ITPK1: variants seen among roughly 807,000 people sequenced by gnomAD.
The protein encoded by ITPK1 is inositol-tetrakisphosphate 1-kinase, also known as inositol 1,3,4-trisphosphate 5/6-kinase.
A neutral mutation model predicts 45.3 loss-of-function variants in ITPK1; 21 were observed. The observed-to-expected ratio is 0.46, with a 90% CI of 0.33 to 0.67. ITPK1 has a LOEUF of 0.67. ITPK1 is among the 30% of genes least tolerant of loss of function. The pLI is 0.02. For synonymous variants in ITPK1, 258 were observed against 253.6 expected (o/e 1.02, Z -0.16); for missense variants, 474 against 573.5 (o/e 0.83, Z 1.77).
intron 4 of ITPK1, among the ~76,000 whole-genome samples, chr14:93,013,368 C>T (rs1036037927): frequency 4.6e-5 from 7 of 152,320 alleles, no homozygotes; most frequent in Non-Finnish European, 8.8e-5. Context: ...TAATGTTCTG[C>T]AGTAAGCCTC....
intron 2 of ITPK1, among the ~76,000 whole-genome samples, chr14:93,112,833 C>T (rs1241327002): frequency 6.6e-6 from 1 of 152,186 alleles, no homozygotes; most frequent in Non-Finnish European, 1.5e-5. Flanking sequence ...CCTGCGCCCC[C>T]AGATTCTGAA....
At chr14:92,996,438 TG>T (rs1286268357) in intron 4 of ITPK1, among the ~76,000 whole-genome samples, 2 of 38,022 alleles carry the variant, frequency 5.3e-5, no homozygotes, top group Non-Finnish European at 1.1e-4. Context: ...TGTCGCGGGG[TG>T]GGGGGAGGGG....
chr14:93,091,517 A>G (rs1891866314), intron 2 of ITPK1, among the ~76,000 whole-genome samples: 1 of 152,204 alleles, frequency 6.6e-6, no homozygotes, highest in Non-Finnish European at 1.5e-5. Context: ...AAATGCCAAG[A>G]GCAACCAGCT....
chr14:92,938,707 A>G lies in ITPK1; in HGVS notation c.*2854T>C, dbSNP rs994868294. 8.2e-6 allele frequency: 5 copies of G among 612,328 alleles called. No homozygotes were observed. The highest frequency in any genetic ancestry group is 1.5e-5 in the Non-Finnish European group (5 of 342,162). The allele number at this position is 612,328 out of a possible 1,614,324, so 37.9% of individuals were successfully genotyped here. A position where few individuals can be genotyped will look rare whatever the true frequency, so the allele number is the denominator to read the frequency against. ...CCACCCACCACGTGTGGACCCAGAC[A>G]CCTCCATGACACCAAGGGCAAAGCA... On this transcript the variant is annotated 3_prime_UTR_variant, in exon 11 of 11. Transcript: ENST00000267615.
At chr14:92,954,762 G>A (rs778419211) in intron 8 of ITPK1, among the ~76,000 whole-genome samples, 1 of 152,228 alleles carries the variant, frequency 6.6e-6, no homozygotes, top group Non-Finnish European at 1.5e-5. Flanking sequence ...CTTGGGAGGC[G>A]AAGGGGATGG....
chr14:93,111,879 C>A (rs1892770414), intron 2 of ITPK1, among the ~76,000 whole-genome samples: 1 of 152,104 alleles, frequency 6.6e-6, no homozygotes, highest in South Asian at 2.1e-4. Context: ...GTACCACTGA[C>A]AAACAAGTGG....
chr14:93,028,390 C>G (rs1045687202), intron 3 of ITPK1, among the ~76,000 whole-genome samples: 1 of 152,230 alleles, frequency 6.6e-6, no homozygotes, highest in African/African-American at 2.4e-5. Context: ...TTCGCTCAGC[C>G]TGTTGACGAG....
chr14:93,103,632 G>A (rs1892409468), intron 2 of ITPK1, among the ~76,000 whole-genome samples: 1 of 152,120 alleles, frequency 6.6e-6, no homozygotes, highest in Non-Finnish European at 1.5e-5. Context: ...CACTCAGTAA[G>A]TATGTGGCAT....
intron 2 of ITPK1, among the ~76,000 whole-genome samples, chr14:93,094,732 C>T (rs1415361320): frequency 1.3e-5 from 2 of 152,214 alleles, no homozygotes; most frequent in Admixed American, 1.3e-4. Flanking sequence ...AGCGTGGGGA[C>T]GGGACCCACT....
intron 2 of ITPK1, among the ~76,000 whole-genome samples, chr14:93,086,509 C>T (rs751035130): frequency 6.6e-6 from 1 of 152,238 alleles, no homozygotes; most frequent in Non-Finnish European, 1.5e-5. Context: ...CTCTGTCACG[C>T]ACTGGGCTGG....
chr14:93,056,194 G>C (rs1371316431), intron 3 of ITPK1, among the ~76,000 whole-genome samples: 16 of 152,206 alleles, frequency 1.1e-4, no homozygotes, highest in Admixed American at 1.0e-3. Context: ...GGGTGCAGCA[G>C]GGTTGAGAGG....
rs949722936 is a variant in ITPK1, at chr14:93,115,903, T to G, written c.-274A>C. ...CCCGCGCTGGCCCGGCCGCCCCGCTTGAGCCCGCGGCGGCGAGGAAGCGGC... is the reference window on the plus strand; with the variant it reads ...CCCGCGCTGGCCCGGCCGCCCCGCTGGAGCCCGCGGCGGCGAGGAAGCGGC... On this transcript the variant is annotated 5_prime_UTR_variant, in exon 1 of 11. Coordinates refer to ENST00000267615, the MANE Select transcript of ITPK1 (RefSeq NM_014216.6). 5.3e-3 allele frequency: 763 copies of G among 144,532 alleles called. 5 individuals carry two copies. The highest frequency in any genetic ancestry group is 8.7e-3 in the Non-Finnish European group (570 of 65,220). The allele number at this position is 144,532 out of a possible 1,614,324, so 9.0% of individuals were successfully genotyped here. A position where few individuals can be genotyped will look rare whatever the true frequency, so the allele number is the denominator to read the frequency against.
At chr14:93,104,051 C>T (rs998252434) in intron 2 of ITPK1, among the ~76,000 whole-genome samples, 1 of 152,094 alleles carries the variant, frequency 6.6e-6, no homozygotes, top group Non-Finnish European at 1.5e-5. Context: ...TATCATTTGG[C>T]CCTAGGGCGG....
intron 5 of ITPK1, among the ~76,000 whole-genome samples, chr14:92,966,785 C>A (rs964154469): frequency 3.3e-5 from 5 of 152,230 alleles, no homozygotes; most frequent in African/African-American, 9.6e-5. Context: ...TGGAAATAAA[C>A]TTGTGCATCT....
intron 3 of ITPK1, among the ~76,000 whole-genome samples, chr14:93,042,512 C>G (rs1199573520): frequency 1.3e-5 from 2 of 152,180 alleles, no homozygotes. Flanking sequence ...TCGGATACCC[C>G]TAACAGCGAC....
intron 2 of ITPK1, among the ~76,000 whole-genome samples, chr14:93,083,465 AG>A (rs1891523583): frequency 6.6e-6 from 1 of 152,190 alleles, no homozygotes; most frequent in Non-Finnish European, 1.5e-5. Context: ...CAAGGGAGGA[AG>A]GTTCTACGGA....
intron 3 of ITPK1, among the ~76,000 whole-genome samples, chr14:93,046,503 G>A (rs1268771511): frequency 2.0e-5 from 3 of 150,850 alleles, no homozygotes; most frequent in East Asian, 2.0e-4. Flanking sequence ...TGGGCAGGAC[G>A]CAATTTAGTG....
At chr14:93,010,681 G>A (rs1166803321) in intron 4 of ITPK1, among the ~76,000 whole-genome samples, 2 of 152,228 alleles carry the variant, frequency 1.3e-5, no homozygotes, top group Non-Finnish European at 2.9e-5. Flanking sequence ...AAGTCAGCTG[G>A]GGCCACAGAT....
At chr14:93,065,342 C>A (rs535451445) in intron 3 of ITPK1, among the ~76,000 whole-genome samples, 3 of 152,352 alleles carry the variant, frequency 2.0e-5, no homozygotes, top group African/African-American at 7.2e-5. Context: ...ACACCTCATT[C>A]AGACTCACGC....
Sources: gnomAD v4.1 joint callset for allele counts (sites outside exome capture counted in the v4.1 genomes callset) on GRCh38, gnomAD v4.1.1 for gene constraint, MANE v1.5 for transcripts, NCBI Gene and HGNC (gene_info 2026-07-23, HGNC 2026-07-21) for gene names.